The following MACROD1 variants were observed in gnomAD, a reference collection of about 807,000 sequenced individuals.
The protein encoded by MACROD1 is mono-ADP ribosylhydrolase 1.
In MACROD1, 31 loss-of-function variants were observed where a neutral mutation model predicts 41.4. The observed-to-expected ratio is 0.75, with a 90% CI of 0.56 to 1.01. The LOEUF (loss-of-function observed/expected upper bound fraction) is 1.01. MACROD1 is among the 50% of genes least tolerant of loss of function. The pLI is 0.00. For missense variants in MACROD1, 473 were observed against 460.0 expected (o/e 1.03, Z -0.26); for synonymous variants, 252 against 203.4 (o/e 1.24, Z -2.03).
At chr11:64,142,388 C>A (rs1246961085) in intron 3 of MACROD1, among the ~76,000 whole-genome samples, 2 of 152,120 alleles carry the variant, frequency 1.3e-5, no homozygotes, top group African/African-American at 4.8e-5. Flanking sequence ...CAAAATAAAT[C>A]TACTGAAACC....
intron 3 of MACROD1, among the ~76,000 whole-genome samples, chr11:64,076,529 G>C (rs1314559458): frequency 1.3e-5 from 2 of 152,112 alleles, no homozygotes; most frequent in Non-Finnish European, 2.9e-5. Context: ...CTGGCACTGG[G>C]GTCTGGAGAC....
intron 3 of MACROD1, among the ~76,000 whole-genome samples, chr11:64,023,506 C>T (rs1457162067): frequency 6.6e-6 from 1 of 152,172 alleles, no homozygotes; most frequent in Non-Finnish European, 1.5e-5. Context: ...GGGGGCGGTT[C>T]CTGGGGGCAG....
At chr11:64,150,720 A>C (rs1302974496) in intron 3 of MACROD1, among the ~76,000 whole-genome samples, 5 of 152,228 alleles carry the variant, frequency 3.3e-5, no homozygotes, top group Admixed American at 3.3e-4. Flanking sequence ...TACTCATCAC[A>C]ATAAACTGCC....
chr11:64,136,249 C>T (rs1223741111), intron 3 of MACROD1, among the ~76,000 whole-genome samples: 1 of 152,220 alleles, frequency 6.6e-6, no homozygotes, highest in African/African-American at 2.4e-5. Context: ...GCCCACAACT[C>T]CTCATTCATT....
intron 3 of MACROD1, among the ~76,000 whole-genome samples, chr11:64,068,491 C>T (rs550464922): frequency 1.1e-4 from 16 of 152,372 alleles, no homozygotes; most frequent in African/African-American, 3.4e-4. Flanking sequence ...GAGCCCTCCA[C>T]AAACATGAGG....
At position 64,067,719 on chromosome 11, in the gene MACROD1, C is replaced by G. The variant is rs1261813627; in HGVS notation, c.518-52438G>C. On this transcript the variant is annotated intron_variant, in intron 3 of 10. Coordinates refer to ENST00000255681, the MANE Select transcript of MACROD1 (RefSeq NM_014067.4). The surrounding 1 kb of genome is among the most constrained non-coding windows in gnomAD (Gnocchi z 4.6). The stretch of plus-strand genomic sequence containing the variant: ...CTGCAGTGATTGCGGACACGCCCCT[C>G]GCGAGGCACCGCAGGCTGCCACCCC... Among the ~76,000 whole-genome samples, 1 of 152,176 alleles carries G rather than the reference C, an allele frequency of 6.6e-6. No individual in the cohort carries two copies. The highest frequency in any genetic ancestry group is 1.5e-5 in the Non-Finnish European group (1 of 68,032).
chr11:64,020,235 G>A (rs1303666242), intron 3 of MACROD1, among the ~76,000 whole-genome samples: 1 of 152,166 alleles, frequency 6.6e-6, no homozygotes, highest in Non-Finnish European at 1.5e-5. Flanking sequence ...GGGTAAGCTT[G>A]GTGCATGCAC....
At chr11:64,019,027 G>T (rs1943118803) in intron 3 of MACROD1, among the ~76,000 whole-genome samples, 1 of 152,118 alleles carries the variant, frequency 6.6e-6, no homozygotes, top group African/African-American at 2.4e-5. Flanking sequence ...ATGTGGGGCT[G>T]AGTGGGGGAC....
chr11:64,073,829 C>A (rs372815068), intron 3 of MACROD1, among the ~76,000 whole-genome samples: 6 of 152,144 alleles, frequency 3.9e-5, no homozygotes, highest in African/African-American at 1.4e-4. Flanking sequence ...GAGGGGGGCC[C>A]ACAGCCCCCA....
intron 3 of MACROD1, among the ~76,000 whole-genome samples, chr11:64,023,905 C>G (rs1434965623): frequency 3.3e-5 from 5 of 152,192 alleles, no homozygotes; most frequent in African/African-American, 7.2e-5. Flanking sequence ...TTCCAGCTGG[C>G]CTGGGCCTCT....
chr11:64,164,377 C>T (rs11231713), intron 1 of MACROD1, among the ~76,000 whole-genome samples: 15,954 of 152,290 alleles, frequency 0.1, 1,084 homozygotes, highest in Non-Finnish European at 0.16. Context: ...CGGCAGCCCT[C>T]GAGCAGGTGC....
At chr11:64,125,000 C>T (rs1170188752) in intron 3 of MACROD1, among the ~76,000 whole-genome samples, 2 of 152,130 alleles carry the variant, frequency 1.3e-5, no homozygotes, top group African/African-American at 4.8e-5. Context: ...CTTTTCTCCA[C>T]GTCTCCCCCG....
intron 4 of MACROD1, among the ~76,000 whole-genome samples, chr11:64,013,217 A>G (rs1943038698): frequency 6.6e-6 from 1 of 152,200 alleles, no homozygotes; most frequent in Admixed American, 6.5e-5. Flanking sequence ...AGTAAATTAT[A>G]CAGCACATTA....
chr11:64,014,125 G>A (rs1943049542), intron 4 of MACROD1, among the ~76,000 whole-genome samples: 1 of 152,168 alleles, frequency 6.6e-6, no homozygotes. Context: ...GCACACAGGG[G>A]TGATCAATGA....
chr11:64,046,076 C>CT (rs1014550653), intron 3 of MACROD1, among the ~76,000 whole-genome samples: 1 of 146,622 alleles, frequency 6.8e-6, no homozygotes, highest in Non-Finnish European at 1.5e-5. Flanking sequence ...CATGAGGAAA[C>CT]TGAGTTACAG....
At chr11:64,097,440 G>A (rs1262684938) in intron 3 of MACROD1, among the ~76,000 whole-genome samples, 5 of 152,204 alleles carry the variant, frequency 3.3e-5, no homozygotes, top group South Asian at 2.1e-4. Flanking sequence ...AGTGGGCCCC[G>A]CACCCCTGAA....
chr11:64,031,129 T>C (rs893693772), intron 3 of MACROD1, among the ~76,000 whole-genome samples: 1 of 152,154 alleles, frequency 6.6e-6, no homozygotes, highest in African/African-American at 2.4e-5. Flanking sequence ...TTGTCCTGGC[T>C]GGCAGCCTCC....
At chr11:64,063,130 C>T (rs2134442999) in intron 3 of MACROD1, among the ~76,000 whole-genome samples, 1 of 152,254 alleles carries the variant, frequency 6.6e-6, no homozygotes, top group South Asian at 2.1e-4. Context: ...GCAGAGAGGC[C>T]ACCCTATGGT....
intron 4 of MACROD1, among the ~76,000 whole-genome samples, chr11:64,010,346 T>A (rs1230936139): frequency 7.3e-6 from 1 of 137,038 alleles, no homozygotes; most frequent in African/African-American, 2.8e-5. Context: ...GGGGTGTTGG[T>A]TGGAGTGTTG....
Sources: gnomAD v4.1 joint callset for allele counts (sites outside exome capture counted in the v4.1 genomes callset) on GRCh38, gnomAD v4.1.1 for gene constraint, Gnocchi (gnomAD v3.1) non-coding constraint, MANE v1.5 for transcripts, NCBI Gene and HGNC (gene_info 2026-07-23, HGNC 2026-07-21) for gene names.